ZNF263: variants seen among roughly 807,000 people sequenced by gnomAD.
The protein encoded by ZNF263 is zinc finger protein 263.
In ZNF263, 49 loss-of-function variants were observed where a neutral mutation model predicts 63.1. That is an observed-to-expected ratio of 0.78 (90% CI 0.62 to 0.99). ZNF263 has a LOEUF of 0.99. Among genes scored for constraint, ZNF263 ranks in the 50% least tolerant of loss-of-function variants. ZNF263 has a pLI of 0.00. For missense variants in ZNF263, 872 were observed against 854.8 expected (o/e 1.02, Z -0.25); for synonymous variants, 352 against 324.2 (o/e 1.09, Z -0.92).
In ZNF263 at chr16:3,288,588, G is replaced by A; in HGVS notation, c.886+18G>A. On this transcript the variant is annotated intron_variant, in intron 5 of 5. Transcript: ENST00000219069. The stretch of plus-strand genomic sequence containing the variant: ...AGCTCCAGGTAAGGAATGAAGACAA[G>A]TGGCCTGCGCAGCAAGCAGCAAGGC... The A allele has an allele frequency of 6.3e-7, 1 of 1,578,920 alleles. No homozygotes were observed. The highest frequency in any genetic ancestry group is 8.7e-7 in the Non-Finnish European group (1 of 1,155,014).
At chr16:3,293,873 CT>C (rs1335173568), downstream of ZNF263, among the ~76,000 whole-genome samples, 1 of 152,246 alleles carries the variant, frequency 6.6e-6, no homozygotes, top group African/African-American at 2.4e-5. Context: ...AATGAAAGAA[CT>C]TTTGGGTCTC....
intron 3 of ZNF263, 120 bp from the exon 4 acceptor site, chr16:3,285,903 A>C (rs1324996996): frequency 1.3e-6 from 2 of 1,570,796 alleles, no homozygotes; most frequent in East Asian, 4.5e-5. Flanking sequence ...TGGAGGCCTG[A>C]TACCCTTCTT....
rs1959339846 is a variant in ZNF263, at chr16:3,286,012, T to G, written c.643-11T>G. 1 of 1,613,952 alleles carries G rather than the reference T, an allele frequency of 6.2e-7. No individual in the cohort carries two copies. Among genetic ancestry groups the G allele is most frequent in the Non-Finnish European group, 8.5e-7 (1 of 1,179,986 alleles). ...GCATCAGGGGCTAAAGGAGATCTTG[T>G]GCTGTTTCAGTTGCCTGAGAGCTTA... On this transcript the variant is annotated splice_polypyrimidine_tract_variant and intron_variant, in intron 3 of 5. Transcript: ENST00000219069.
Position 3,285,245 on chromosome 16 carries a change from G to A in ZNF263, c.568+6G>A. The A allele has an allele frequency of 1.9e-6, 3 of 1,607,880 alleles. No homozygotes were observed. Among genetic ancestry groups the A allele is most frequent in the Non-Finnish European group, 1.7e-6 (2 of 1,176,510 alleles). On this transcript the variant is annotated splice_donor_region_variant and intron_variant, in intron 2 of 5. Transcript: ENST00000219069. Reference sequence around the variant, plus strand: ...CCAGGCTGTAAAGGAGAGGGGTGAGGCACAGTTATCTGGGCAGGTGGGAGG... The same window carrying A: ...CCAGGCTGTAAAGGAGAGGGGTGAGACACAGTTATCTGGGCAGGTGGGAGG...
Position 3,283,909 on chromosome 16 carries a change from C to T in ZNF263, c.91C>T (p.Pro31Ser). ...CGCCTGGAGCCAGGAGCTGCCCCCA[C>T]CTGACCCAGGACCGAGCCCCGAGGC... is the stretch of plus-strand genomic sequence containing the variant. ...DCAWSQELPP[P>S]DPGPSPEASH... The change falls in exon 1 of 6, where the codon CCT (proline) becomes TCT (serine). Residue 31 changes from proline to serine, a missense_variant. Physicochemically the swap from Pro to Ser is moderately conservative, Grantham distance 74 (BLOSUM62 -1). Transcript: ENST00000219069. 6.2e-7 allele frequency: 1 copy of T among 1,612,464 alleles called. No homozygotes were observed. The highest frequency in any genetic ancestry group is 8.5e-7 in the Non-Finnish European group (1 of 1,179,398).
rs139014745 is a variant in ZNF263 at position 3,291,278 on chromosome 16, C to A, written c.*720C>A. On this transcript the variant is annotated 3_prime_UTR_variant, in exon 6 of 6. Coordinates refer to ENST00000219069, the MANE Select transcript of ZNF263 (RefSeq NM_005741.5). ...CCTTTGTGGAGAATGAGATTCCCCC[C>A]ACCTGTGTGAGAAAAATAAACAGCT... The A allele has an allele frequency of 1.0e-5, 10 of 985,258 alleles. No individual in the cohort carries two copies. The South Asian group carries it at 1.9e-4, about 19-fold the overall frequency. The allele number at this position is 985,258 out of a possible 1,614,324, so 61.0% of individuals were successfully genotyped here.
At chr16:3,295,910 G>A (rs1348200750), downstream of ZNF263, among the ~76,000 whole-genome samples, 1 of 152,196 alleles carries the variant, frequency 6.6e-6, no homozygotes, top group Non-Finnish European at 1.5e-5. Flanking sequence ...GTCCCCCAGG[G>A]ACACTAGCCT....
intron 2 of ZNF263, 110 bp downstream of exon 2, chr16:3,285,349 G>C (rs1018540196): frequency 7.9e-6 from 10 of 1,265,616 alleles, no homozygotes; most frequent in South Asian, 3.0e-5. Flanking sequence ...CTGAAGATCA[G>C]GTTCTCACCT....
intron 2 of ZNF263, chr16:3,300,784 C>A: frequency 8.3e-7 from 1 of 1,210,422 alleles, no homozygotes; most frequent in Non-Finnish European, 1.1e-6. Flanking sequence ...GACTGAAGAG[C>A]TAGTCTAGAG....
chr16:3,286,309 G>C, intron 4 of ZNF263, 160 bp downstream of exon 4: 1 of 1,090,122 alleles, frequency 9.2e-7, no homozygotes, highest in Non-Finnish European at 1.2e-6. Context: ...TCATGTATCT[G>C]CCAAGTGGTA....
At chr16:3,299,531 C>A in intron 2 of ZNF263, 1 of 1,529,674 alleles carries the variant, frequency 6.5e-7, no homozygotes. Flanking sequence ...TCTCCTTTCT[C>A]TTGCTCATCA....
intron 1 of ZNF263, among the ~76,000 whole-genome samples, chr16:3,284,635 C>T (rs959404613): frequency 8.5e-5 from 13 of 152,172 alleles, no homozygotes; most frequent in African/African-American, 2.9e-4. Context: ...GTACTTGTTA[C>T]CTGTTGTTAT....
At chr16:3,297,753 C>T (rs1051448942) in intron 1 of ZNF263, among the ~76,000 whole-genome samples, 2 of 151,636 alleles carry the variant, frequency 1.3e-5, no homozygotes, top group Non-Finnish European at 2.9e-5. Flanking sequence ...CGTGAGCCAC[C>T]GCGCCCGGCC....
rs775038069 is a variant in ZNF263 at position 3,283,918 on chromosome 16, G to A, written c.100G>A (p.Gly34Arg). 2 of 1,613,464 alleles carry A rather than the reference G, an allele frequency of 1.2e-6. No homozygotes were observed. Among genetic ancestry groups the A allele is most frequent in the African/African-American group, 2.7e-5 (2 of 74,940 alleles). Residue 34 changes from glycine (G) to arginine (R), a missense_variant, in exon 1 of 6, where the codon GGA (glycine) becomes AGA (arginine). Transcript: ENST00000219069. ...CCAGGAGCTGCCCCCACCTGACCCA[G>A]GACCGAGCCCCGAGGCCTCCCACTT... The part of the protein sequence containing the change: ...WSQELPPPDP[G>R]PSPEASHLRF...
chr16:3,286,949 T>TGTG (rs1959380893), intron 4 of ZNF263: 1 of 152,096 alleles, frequency 6.6e-6, no homozygotes, highest in Non-Finnish European at 1.5e-5. Context: ...GACTCACTGG[T>TGTG]GTGGTGGTGG....
intron 1 of ZNF263, among the ~76,000 whole-genome samples, chr16:3,284,825 G>T (rs1959281211): frequency 6.6e-6 from 1 of 152,162 alleles, no homozygotes; most frequent in East Asian, 1.9e-4. Context: ...AAGGGAGTGA[G>T]GTGTATCTTA....
chr16:3,293,859 C>G (rs1049183385), downstream of ZNF263, among the ~76,000 whole-genome samples: 13 of 152,234 alleles, frequency 8.5e-5, no homozygotes, highest in Admixed American at 8.5e-4. Context: ...GTTTTGATGG[C>G]TGTAATGAAA....
rs962615601 is a variant in ZNF263 at position 3,290,778 on chromosome 16, C to T, written c.*220C>T. ...GGATGGCAAGTCTCTGAGGTGACCTCAGGGTGGAATTCTCTGTTAAGTCCA... is the reference window on the plus strand; with the variant it reads ...GGATGGCAAGTCTCTGAGGTGACCTTAGGGTGGAATTCTCTGTTAAGTCCA... On this transcript the variant is annotated 3_prime_UTR_variant, in exon 6 of 6. Coordinates refer to ENST00000219069, the MANE Select transcript of ZNF263 (RefSeq NM_005741.5). 28 of 1,353,186 alleles carry T rather than the reference C, an allele frequency of 2.1e-5. No homozygotes were observed. The highest frequency in any genetic ancestry group is 5.5e-4 in the Middle Eastern group (2 of 3,616). 83.8% of individuals were successfully genotyped at this position (1,353,186 alleles called of 1,614,324 possible). A position where few individuals can be genotyped will look rare whatever the true frequency, so the allele number is the denominator to read the frequency against.
At position 3,289,526 on chromosome 16, in the gene ZNF263, G is replaced by T. The variant is rs1959517770; in HGVS notation, c.1020G>T (p.Arg340=). 1 of 1,596,762 alleles carries T rather than the reference G, an allele frequency of 6.3e-7. No individual in the cohort carries two copies. The highest frequency in any genetic ancestry group is 1.3e-5 in the African/African-American group (1 of 74,506). Residue 340 remains arginine, a synonymous_variant, in exon 6 of 6, where the codon CGG becomes CGT. Coordinates refer to ENST00000219069, the MANE Select transcript of ZNF263 (RefSeq NM_005741.5). ...CTGAGCTGGGAAGACCTCATGACCG[G>T]TCGCAAGGGGATTGGGCGCCTCCCC... ...WSPELGRPHD[R]SQGDWAPPPE... is the part of the protein sequence containing the mutation.
Sources: allele counts gnomAD v4.1 joint callset (sites outside exome capture counted in the v4.1 genomes callset), GRCh38; gene constraint gnomAD v4.1.1; transcripts MANE v1.5; gene names NCBI Gene and HGNC (gene_info 2026-07-23, HGNC 2026-07-21).